Variants in PITPNC1 observed in about 807,000 individuals in gnomAD.
PITPNC1 encodes the protein cytoplasmic phosphatidylinositol transfer protein 1.
A neutral mutation model predicts 44.7 loss-of-function variants in PITPNC1; 18 were observed. That is an observed-to-expected ratio of 0.40 (90% confidence interval 0.28 to 0.60). The LOEUF (loss-of-function observed/expected upper bound fraction) is 0.60, where lower values mean the gene tolerates loss of function less well. Among genes scored for constraint, PITPNC1 ranks in the 20% least tolerant of loss-of-function variants. The probability of loss-of-function intolerance (pLI) is 0.39; values close to 1 mark genes in which losing one functional copy is unlikely to be tolerated. For synonymous variants in PITPNC1, 141 were observed against 149.6 expected, an observed-to-expected ratio of 0.94 and a Z score of 0.42; for missense variants, 290 against 418.4, an observed-to-expected ratio of 0.69 and a Z score of 2.68.
chr17:67,675,663 T>C, intron 8 of PITPNC1, 121 bp downstream of exon 8: 1 of 719,598 alleles, frequency 1.4e-6, no homozygotes. Context: ...CTGCTTCCTG[T>C]GTTGGAAATA....
At chr17:67,385,632 C>CGG (rs1468818593) in intron 1 of PITPNC1, among the ~76,000 whole-genome samples, 4 of 152,160 alleles carry the variant, frequency 2.6e-5, no homozygotes, top group Non-Finnish European at 4.4e-5. Flanking sequence ...TGAAGGTCCG[C>CGG]GGCTTCATTC....
Position 67,594,142 on chromosome 17 carries a change from AG to A in PITPNC1, c.366+15888del, listed in dbSNP as rs549125479. On this transcript the variant is annotated intron_variant, in intron 5 of 8. Transcript: ENST00000581322. ...AGAAATCACCAGCCTTCGACCAAAT[AG>A]GGTCCAAAGCAGGGCTCTGCAGCCA... 4.2e-3 allele frequency among the ~76,000 whole-genome samples: 636 copies of A among 152,322 alleles called. 8 individuals are homozygous for A. Among genetic ancestry groups the A allele is most frequent in the African/African-American group, 0.015 (606 of 41,582 alleles).
chr17:67,436,905 GGT>G (rs2038944437), intron 1 of PITPNC1, among the ~76,000 whole-genome samples: 1 of 142,676 alleles, frequency 7.0e-6, no homozygotes, highest in African/African-American at 2.6e-5. Flanking sequence ...TGAAAATAGG[GGT>G]GTTTTTTTTT....
chr17:67,692,275 C>A (rs2537844), intron 8 of PITPNC1, among the ~76,000 whole-genome samples: 1 of 152,074 alleles, frequency 6.6e-6, no homozygotes, highest in Non-Finnish European at 1.5e-5. Context: ...ATATTTCCCC[C>A]GTCTAGTTCT....
chr17:67,631,673 A>ATATACATATATATATATAT (rs1380540532), intron 5 of PITPNC1, among the ~76,000 whole-genome samples: 1 of 52,498 alleles, frequency 1.9e-5, no homozygotes, highest in Non-Finnish European at 4.2e-5. Flanking sequence ...TATATATATA[A>ATATACATATATATATATAT]AATATATATT....
chr17:67,545,495 G>A (rs1352494118), intron 2 of PITPNC1, among the ~76,000 whole-genome samples: 1 of 152,144 alleles, frequency 6.6e-6, no homozygotes, highest in Non-Finnish European at 1.5e-5. Context: ...AGAATTGCTT[G>A]AACCCAGGAG....
chr17:67,530,235 C>A (rs912435473), intron 1 of PITPNC1, among the ~76,000 whole-genome samples: 6 of 151,754 alleles, frequency 4.0e-5, no homozygotes, highest in Admixed American at 3.3e-4. Context: ...GGACCACAGG[C>A]ACCCGCCACC....
intron 6 of PITPNC1, among the ~76,000 whole-genome samples, chr17:67,636,281 C>CAAA (rs4020398): frequency 3.0e-4 from 23 of 77,300 alleles, no homozygotes; most frequent in African/African-American, 6.2e-4. Context: ...GACTCCGTTT[C>CAAA]AAAAAAAAAA....
chr17:67,456,739 T>C lies in PITPNC1; in HGVS notation c.49-76063T>C, dbSNP rs913248457. Reference sequence around the variant, plus strand: ...TGTTTTGTGCAGCCCAAACTGTATATATTTTTATTTACTAGGGTCTTTACT... The same window carrying C: ...TGTTTTGTGCAGCCCAAACTGTATACATTTTTATTTACTAGGGTCTTTACT... On this transcript the variant is annotated intron_variant, in intron 1 of 8. Transcript: ENST00000581322. 2.0e-5 allele frequency among the ~76,000 whole-genome samples: 3 copies of C among 152,190 alleles called. No homozygotes were observed. In the East Asian group the frequency reaches 5.8e-4, roughly 29 times the overall value.
chr17:67,436,908 GTTTTTTTTTT>G (rs1044625193), intron 1 of PITPNC1, among the ~76,000 whole-genome samples: 102 of 68,454 alleles, frequency 1.5e-3, no homozygotes, highest in African/African-American at 5.2e-3. Context: ...AAATAGGGGT[GTTTTTTTTTT>G]TTTTTTTTTT....
chr17:67,521,619 C>T (rs1270345630), intron 1 of PITPNC1, among the ~76,000 whole-genome samples: 1 of 151,916 alleles, frequency 6.6e-6, no homozygotes, highest in Non-Finnish European at 1.5e-5. Context: ...GAAATCTACA[C>T]ATTGAATCAC....
chr17:67,525,201 G>C (rs1568026320), intron 1 of PITPNC1: 1 of 152,186 alleles, frequency 6.6e-6, no homozygotes, highest in Non-Finnish European at 1.5e-5. Flanking sequence ...ATAGCAAATA[G>C]CTTTGGTCCT....
chr17:67,405,638 C>T (rs2038386088), intron 1 of PITPNC1, among the ~76,000 whole-genome samples: 1 of 150,296 alleles, frequency 6.7e-6, no homozygotes, highest in African/African-American at 2.5e-5. Context: ...CAGGGTCTCG[C>T]TCTGTCGCCC....
At chr17:67,576,725 G>T (rs933252045) in intron 4 of PITPNC1, among the ~76,000 whole-genome samples, 1 of 152,160 alleles carries the variant, frequency 6.6e-6, no homozygotes, top group African/African-American at 2.4e-5. Flanking sequence ...GCGAGACTGG[G>T]GCTGTAGGGC....
intron 1 of PITPNC1, among the ~76,000 whole-genome samples, chr17:67,395,888 G>T (rs1049744325): frequency 6.6e-6 from 1 of 152,116 alleles, no homozygotes; most frequent in Non-Finnish European, 1.5e-5. Flanking sequence ...CAAACCCTGG[G>T]CTATTGAAGG....
intron 1 of PITPNC1, among the ~76,000 whole-genome samples, chr17:67,506,956 C>T (rs1331184124): frequency 2.0e-5 from 3 of 152,006 alleles, no homozygotes; most frequent in African/African-American, 7.2e-5. Flanking sequence ...AAAAAAGTTT[C>T]CTTATTCTAA....
chr17:67,574,575 C>T (rs1451136588), intron 4 of PITPNC1, among the ~76,000 whole-genome samples: 1 of 152,152 alleles, frequency 6.6e-6, no homozygotes, highest in Non-Finnish European at 1.5e-5. Flanking sequence ...AAAGACCTTG[C>T]TTTAAAGCTA....
At chr17:67,666,027 G>A (rs2042417670) in intron 6 of PITPNC1, among the ~76,000 whole-genome samples, 1 of 151,990 alleles carries the variant, frequency 6.6e-6, no homozygotes, top group Admixed American at 6.6e-5. Flanking sequence ...ATTTTTAGTA[G>A]AGACGGGCTT....
chr17:67,529,817 G>A (rs748484127), intron 1 of PITPNC1, among the ~76,000 whole-genome samples: 1 of 152,064 alleles, frequency 6.6e-6, no homozygotes, highest in Non-Finnish European at 1.5e-5. Context: ...TCGTAGCGGC[G>A]TGCGCCTGTA....
Sources: allele counts gnomAD v4.1 joint callset (sites outside exome capture counted in the v4.1 genomes callset), GRCh38; gene constraint gnomAD v4.1.1; transcripts MANE v1.5; gene names NCBI Gene and HGNC (gene_info 2026-07-23, HGNC 2026-07-21).